TONSL: variants seen among roughly 807,000 people sequenced by gnomAD.
The protein encoded by TONSL is tonsoku-like protein.
TONSL carries 112 observed loss-of-function variants against 147.1 expected under a neutral mutation model. The ratio of observed to expected loss-of-function variants is 0.76; its 90% CI spans 0.65 to 0.89. TONSL has a LOEUF of 0.89. TONSL is among the 40% of genes least tolerant of loss of function. The pLI, the probability that TONSL is intolerant of heterozygous loss-of-function variation, is 0.00. For synonymous variants in TONSL, 868 were observed against 801.5 expected, an observed-to-expected ratio of 1.08 and a Z score of -1.40; for missense variants, 1,883 against 1,864.6, an observed-to-expected ratio of 1.01 and a Z score of -0.18.
Position 144,433,618 on chromosome 8 carries a change from G to C in TONSL, c.3529C>G (p.His1177Asp). 6.2e-7 allele frequency: 1 copy of C among 1,613,526 alleles called. No individual in the cohort carries two copies. Among genetic ancestry groups the C allele is most frequent in the Non-Finnish European group, 8.5e-7 (1 of 1,179,982 alleles). ...CGFGPSFFLS[H>D]QTALGSAFQD... ...AAAGCACTACCCAGTGCTGTCTGGT[G>C]GCTCAGAAAGAAGCTGGGGCCGAAG... The change falls in exon 22 of 26, where the codon CAC becomes GAC. Residue 1177 changes from histidine to aspartate, a missense_variant. By Grantham distance (81) the His-to-Asp change is moderately conservative. Transcript: ENST00000409379.
At chr8:144,438,394 A>T in intron 13 of TONSL, 77 bp downstream of exon 13, 1 of 1,488,726 alleles carries the variant, frequency 6.7e-7, no homozygotes, top group Admixed American at 1.8e-5. Flanking sequence ...TGAGAGTTAC[A>T]GAGATAGGGG....
Position 144,435,704 on chromosome 8 carries a change from C to T in TONSL, c.2729G>A (p.Arg910Lys). ...GCTGTCCCCACTGGGCTCTGAGACC[C>T]TGGGGGTGCTGGGGCTCCCTGGAGG... is the stretch of plus-strand genomic sequence containing the variant. The part of the protein sequence containing the change: ...SEPPGSPSTP[R>K]VSEPSGDSSA... Residue 910 changes from arginine to lysine, a missense_variant, in exon 17 of 26, where the codon AGG becomes AAG. Physicochemically the swap from Arg to Lys is conservative, Grantham distance 26 (BLOSUM62 2). Transcript: ENST00000409379. 6.2e-7 allele frequency: 1 copy of T among 1,611,784 alleles called. No individual in the cohort carries two copies. Among genetic ancestry groups the T allele is most frequent in the African/African-American group, 1.3e-5 (1 of 75,016 alleles).
Position 144,442,166 on chromosome 8 carries a change from A to C in TONSL, c.751-15T>G, listed in dbSNP as rs774939613. Reference sequence around the variant, plus strand: ...TCTTGGAGGACCTGGAGAGCAAAGGACAGCAAAGGTTTTGCAGAATCCCCA... The same window carrying C: ...TCTTGGAGGACCTGGAGAGCAAAGGCCAGCAAAGGTTTTGCAGAATCCCCA... On this transcript the variant is annotated splice_polypyrimidine_tract_variant and intron_variant, in intron 6 of 25. Coordinates refer to ENST00000409379, the MANE Select transcript of TONSL (RefSeq NM_013432.5). 1 of 1,606,512 alleles carries C rather than the reference A, an allele frequency of 6.2e-7. No individual in the cohort carries two copies. The highest frequency in any genetic ancestry group is 8.5e-7 in the Non-Finnish European group (1 of 1,175,948).
chr8:144,432,358 A>G lies in TONSL; in HGVS notation c.3662T>C (p.Leu1221Ser). ...QSLPAGTLLHLELSSVAAGKG... is the reference protein window; with the variant it reads ...QSLPAGTLLHSELSSVAAGKG... Reference sequence around the variant, plus strand: ...GCCGGCTGCCACGGAGCTGAGCTCTAAGTGCAGGAGGGTGCCGGCGGGCAG... The same window carrying G: ...GCCGGCTGCCACGGAGCTGAGCTCTGAGTGCAGGAGGGTGCCGGCGGGCAG... The change falls in exon 23 of 26, where the codon TTA (leucine) becomes TCA (serine). Residue 1221 changes from leucine (L) to serine (S), a missense_variant. By Grantham distance (145) the Leu-to-Ser change is moderately radical (BLOSUM62 -2). Transcript: ENST00000409379. 2 of 1,613,464 alleles carry G rather than the reference A, an allele frequency of 1.2e-6. No homozygotes were observed. The highest frequency in any genetic ancestry group is 2.2e-5 in the East Asian group (1 of 44,838).
At position 144,435,939 on chromosome 8, in the gene TONSL, C is replaced by T; in HGVS notation, c.2494G>A (p.Ala832Thr). ...ATGTCCAGCTCCAGCCAGTCCCCGG[C>T]CAGGCACTCCTCCTCCGGGATGAGC... is the stretch of plus-strand genomic sequence containing the variant. Reference protein sequence around the residue: ...AALIPEEECLAGDWLELDMPL... With the variant: ...AALIPEEECLTGDWLELDMPL... Residue 832 changes from alanine to threonine, a missense_variant, in exon 17 of 26, where the codon GCC becomes ACC. Physicochemically the swap from Ala to Thr is moderately conservative, Grantham distance 58. Coordinates refer to ENST00000409379, the MANE Select transcript of TONSL (RefSeq NM_013432.5). 3 of 1,565,480 alleles carry T rather than the reference C, an allele frequency of 1.9e-6. No individual in the cohort carries two copies. Among genetic ancestry groups the T allele is most frequent in the Non-Finnish European group, 1.7e-6 (2 of 1,153,586 alleles).
Position 144,442,671 on chromosome 8 carries a change from C to CTCCCTCCACTCCA in TONSL, c.578+5_578+6insTGGAGTGGAGGGA, listed in dbSNP as rs1823764757. On this transcript the variant is annotated splice_donor_region_variant and intron_variant, in intron 5 of 25. Transcript: ENST00000409379. ...CACTCCCTCCTGGGGCGGGGCAGGGCCTTACTCCGCAAGGAAGATGCTCTT... is the reference window on the plus strand; with the variant it reads ...CACTCCCTCCTGGGGCGGGGCAGGGCTCCCTCCACTCCACTTACTCCGCAAGGAAGATGCTCTT... 6.2e-7 allele frequency: 1 copy of CTCCCTCCACTCCA among 1,611,692 alleles called. No individual in the cohort carries two copies. Among genetic ancestry groups the CTCCCTCCACTCCA allele is most frequent in the Non-Finnish European group, 8.5e-7 (1 of 1,179,418 alleles).
chr8:144,429,180 A>C lies in TONSL; in HGVS notation c.4100T>G (p.Leu1367Arg). 1 of 1,534,610 alleles carries C rather than the reference A, an allele frequency of 6.5e-7. No individual in the cohort carries two copies. The highest frequency in any genetic ancestry group is 8.7e-7 in the Non-Finnish European group (1 of 1,145,024). Reference sequence around the variant, plus strand: ...AAAGAAGAGCTTGGAGCCGTGGTCCAGCGTGCACTCGCCGGGGCCCGGCCG... The same window carrying C: ...AAAGAAGAGCTTGGAGCCGTGGTCCCGCGTGCACTCGCCGGGGCCCGGCCG... The part of the protein sequence containing the change: ...PSRPGPGECT[L>R]DHGSKLFFRR... The change falls in exon 26 of 26, where the codon CTG becomes CGG. Residue 1367 changes from leucine to arginine, a missense_variant. Physicochemically the swap from Leu to Arg is moderately radical, Grantham distance 102. Coordinates refer to ENST00000409379, the MANE Select transcript of TONSL (RefSeq NM_013432.5).
chr8:144,440,576 C>T (rs966426873), intron 9 of TONSL, 100 bp from the exon 10 acceptor site: 2 of 1,520,344 alleles, frequency 1.3e-6, no homozygotes, highest in Non-Finnish European at 1.8e-6. Flanking sequence ...GGGAGCCCGG[C>T]CTCCCAGCTG....
Position 144,433,725 on chromosome 8 carries a change from A to C in TONSL, c.3422T>G (p.Leu1141Arg). Reference sequence around the variant, plus strand: ...CAGGGACTGGCCACAGCCGTCCCCCAGGGGGTTCATGCTTAAGTCCAGCTC... The same window carrying C: ...CAGGGACTGGCCACAGCCGTCCCCCCGGGGGTTCATGCTTAAGTCCAGCTC... ...LEELDLSMNP[L>R]GDGCGQSLAS... Residue 1141 changes from leucine to arginine, a missense_variant, in exon 22 of 26, where the codon CTG becomes CGG. Physicochemically the swap from Leu to Arg is moderately radical, Grantham distance 102. Transcript: ENST00000409379. 6.2e-7 allele frequency: 1 copy of C among 1,602,446 alleles called. No individual in the cohort carries two copies. The highest frequency in any genetic ancestry group is 8.5e-7 in the Non-Finnish European group (1 of 1,175,084).
In TONSL at chr8:144,438,745, A is replaced by G. The variant is rs1327649308; in HGVS notation, c.1481-10T>C. On this transcript the variant is annotated splice_polypyrimidine_tract_variant and intron_variant, in intron 11 of 25. Coordinates refer to ENST00000409379, the MANE Select transcript of TONSL (RefSeq NM_013432.5). ...CCATCGGTGTCGTCCTCTGGAACAG[A>G]GCCAAGCCCACCCCAGGGGAGTCCG... 4 of 1,612,532 alleles carry G rather than the reference A, an allele frequency of 2.5e-6. No homozygotes were observed. Among genetic ancestry groups the G allele is most frequent in the Non-Finnish European group, 3.4e-6 (4 of 1,179,718 alleles).
At chr8:144,430,324 T>C in intron 25 of TONSL, 80 bp downstream of exon 25, 2 of 1,428,650 alleles carry the variant, frequency 1.4e-6, no homozygotes, top group Non-Finnish European at 1.8e-6. Context: ...TGACAGCCCC[T>C]TAGGAGGAGG....
chr8:144,433,502 G>T, intron 22 of TONSL, 86 bp downstream of exon 22: 1 of 1,371,858 alleles, frequency 7.3e-7, no homozygotes, highest in Middle Eastern at 1.9e-4. Context: ...GCCCCTGTGT[G>T]CCCAGCCTGG....
chr8:144,435,629 A>G lies in TONSL; in HGVS notation c.2775+29T>C, dbSNP rs749907449. The G allele has an allele frequency of 4.4e-6, 7 of 1,583,932 alleles. No homozygotes were observed. In the African/African-American group the frequency reaches 9.4e-5, roughly 21 times the overall value. The stretch of plus-strand genomic sequence containing the variant: ...ACACCTGCCTGCCCGGAGTGGGGAG[A>G]GGGCTCTGCTCCAGGTCTGCATACC... On this transcript the variant is annotated intron_variant, in intron 17 of 25. Coordinates refer to ENST00000409379, the MANE Select transcript of TONSL (RefSeq NM_013432.5).
At chr8:144,441,740 C>T (rs1564734023) in intron 7 of TONSL, 2 of 375,616 alleles carry the variant, frequency 5.3e-6, no homozygotes, top group Non-Finnish European at 9.8e-6. Context: ...GGTACAACTA[C>T]TGTCTCCAGT....
At chr8:144,438,435 T>C (rs1195506038) in intron 13 of TONSL, 36 bp downstream of exon 13, 2 of 1,602,520 alleles carry the variant, frequency 1.2e-6, no homozygotes, top group Non-Finnish European at 1.7e-6. Context: ...TCCTCCATGC[T>C]AGGCAGCCTG....
chr8:144,443,912 G>C lies in TONSL; in HGVS notation c.234C>G (p.Ala78=). The C allele has an allele frequency of 2.6e-6, 4 of 1,545,480 alleles. No individual in the cohort carries two copies. Among genetic ancestry groups the C allele is most frequent in the Non-Finnish European group, 3.5e-6 (4 of 1,146,680 alleles). ...AGGCAGCCGGGTAGTCCTCCATCTC[G>C]GCCAGGCGCTCTCCGATCTTGCGGT... The part of the protein sequence containing the change: ...VAHRKIGERL[A]EMEDYPAALQ... Residue 78 remains alanine, a synonymous_variant, in exon 3 of 26, where the codon GCC becomes GCG. Coordinates refer to ENST00000409379, the MANE Select transcript of TONSL (RefSeq NM_013432.5).
chr8:144,432,517 A>G (rs928756240), intron 22 of TONSL, 57 bp from the exon 23 acceptor site: 1 of 1,450,548 alleles, frequency 6.9e-7, no homozygotes, highest in African/African-American at 1.5e-5. Flanking sequence ...TACCCACCCC[A>G]AGTTCTGGGC....
Position 144,443,460 on chromosome 8 carries a change from A to C in TONSL, c.265-139T>G, listed in dbSNP as rs1823794502. On this transcript the variant is annotated intron_variant, in intron 3 of 25. Coordinates refer to ENST00000409379, the MANE Select transcript of TONSL (RefSeq NM_013432.5). The stretch of plus-strand genomic sequence containing the variant: ...CCCACAGAGCAGGCCAAGGCCAGAC[A>C]CGTGCCCCTCCTCTGCATGCCAAGG... The C allele has an allele frequency of 7.6e-6, 6 of 785,948 alleles. No homozygotes were observed. The East Asian group carries it at 1.6e-4, about 21-fold the overall frequency. 48.7% of individuals were successfully genotyped at this position (785,948 alleles called of 1,614,324 possible). A position where few individuals can be genotyped will look rare whatever the true frequency, so the allele number is the denominator to read the frequency against.
chr8:144,442,479 C>T (rs2129695527), intron 5 of TONSL, 67 bp from the exon 6 acceptor site: 1 of 1,497,246 alleles, frequency 6.7e-7, no homozygotes, highest in Non-Finnish European at 8.9e-7. Context: ...CCACACGGGC[C>T]CCAGCCCTGC....
Sources: gnomAD v4.1 joint callset for allele counts on GRCh38, gnomAD v4.1.1 for gene constraint, MANE v1.5 for transcripts, NCBI Gene and HGNC (gene_info 2026-07-23, HGNC 2026-07-21) for gene names.